Variants in PSMD8 observed in about 807,000 individuals in gnomAD.
PSMD8 encodes 26S proteasome non-ATPase regulatory subunit 8.
In PSMD8, 30 loss-of-function variants were observed where a neutral mutation model predicts 40.0. The ratio of observed to expected loss-of-function variants is 0.75; its 90% CI spans 0.56 to 1.02. The LOEUF is 1.02. PSMD8 is among the 50% of genes least tolerant of loss of function. PSMD8 has a pLI of 0.00. For synonymous variants in PSMD8, 208 were observed against 192.5 expected (o/e 1.08, Z -0.67); for missense variants, 461 against 463.9 (o/e 0.99, Z 0.06).
chr19:38,380,723 T>TGTGTGTGCGCGCGTGCGCGC (rs1555743511), intron 4 of PSMD8, among the ~76,000 whole-genome samples, 176 bp from the exon 5 acceptor site: 3,026 of 143,948 alleles, frequency 0.021, 51 homozygotes, highest in South Asian at 0.035. Context: ...TGTGTGTGTG[T>TGTGTGTGCGCGCGTGCGCGC]GTGTGTGCGC....
chr19:38,376,114 T>C (rs1434982306), intron 1 of PSMD8, 46 bp from the exon 2 acceptor site: 1 of 1,510,912 alleles, frequency 6.6e-7, no homozygotes, highest in Non-Finnish European at 9.1e-7. Context: ...TCATCTGTAT[T>C]TGAATTCCCT....
intron 4 of PSMD8, among the ~76,000 whole-genome samples, chr19:38,379,796 T>C (rs1169407037): frequency 6.6e-6 from 1 of 152,006 alleles, no homozygotes; most frequent in Non-Finnish European, 1.5e-5. Flanking sequence ...AAAGGTGAAA[T>C]TGGAGAAAGA....
At chr19:38,377,372 G>A (rs1180934626) in intron 3 of PSMD8, among the ~76,000 whole-genome samples, 1 of 151,734 alleles carries the variant, frequency 6.6e-6, no homozygotes, top group East Asian at 1.9e-4. Flanking sequence ...TTAATTTTTT[G>A]TAGAGATGGG....
rs1970647823 is a variant in PSMD8 at position 38,382,332 on chromosome 19, A to C, written c.915+104A>C. ...CACTGGAACAAGACTGCCCAGGTTTAAGTTCAACTGTGTGACTCTAGGCAA... is the reference window on the plus strand; with the variant it reads ...CACTGGAACAAGACTGCCCAGGTTTCAGTTCAACTGTGTGACTCTAGGCAA... On this transcript the variant is annotated intron_variant, in intron 6 of 6. Transcript: ENST00000215071. The C allele has an allele frequency of 3.3e-6, 3 of 899,764 alleles. No individual in the cohort carries two copies. The African/African-American group carries it at 5.0e-5, about 15-fold the overall frequency. The allele number at this position is 899,764 out of a possible 1,614,324, so 55.7% of individuals were successfully genotyped here.
intron 3 of PSMD8, among the ~76,000 whole-genome samples, chr19:38,379,036 C>T (rs912809187): frequency 4.6e-5 from 7 of 152,216 alleles, no homozygotes; most frequent in Non-Finnish European, 1.0e-4. Flanking sequence ...AGTGAGGTCA[C>T]TCGCTCTTGT....
rs1970580840 is a variant in PSMD8 at position 38,374,655 on chromosome 19, T to C, written c.54T>C (p.Ala18=). 2.6e-6 allele frequency: 4 copies of C among 1,518,000 alleles called. No homozygotes were observed. Among genetic ancestry groups the C allele is most frequent in the Admixed American group, 2.3e-5 (1 of 42,704 alleles). The allele number at this position is 1,518,000 out of a possible 1,614,324, so 94.0% of individuals were successfully genotyped here. A position where few individuals can be genotyped will look rare whatever the true frequency, so the allele number is the denominator to read the frequency against. The change falls in exon 1 of 7, where the codon GCT becomes GCC. Residue 18 remains alanine, a synonymous_variant. Transcript: ENST00000215071. ...CGCCACCTCGAGAGCGACGGCGGGC[T>C]ACCCGGGGCGGGCTGAGGCAGGTTG... ...PRAPPRERRR[A]TRGGLRQVVA...
intron 1 of PSMD8, chr19:38,375,206 C>A (rs867837543): frequency 3.7e-5 from 22 of 597,386 alleles, no homozygotes; most frequent in Middle Eastern, 4.7e-4. Flanking sequence ...TTTGGGAGGC[C>A]GAGGCGGGGG....
chr19:38,378,183 G>C (rs1020387821), intron 3 of PSMD8, among the ~76,000 whole-genome samples: 1 of 152,048 alleles, frequency 6.6e-6, no homozygotes, highest in Non-Finnish European at 1.5e-5. Context: ...CCAACATGGC[G>C]AAATCCTGTC....
chr19:38,383,133 G>A, intron 6 of PSMD8, 120 bp from the exon 7 acceptor site: 2 of 1,336,960 alleles, frequency 1.5e-6, no homozygotes, highest in Non-Finnish European at 2.1e-6. Context: ...AGGGTCGTTG[G>A]GCAGAGTACG....
At position 38,374,764 on chromosome 19, in the gene PSMD8, GGCGGTCTGCTTGCCGCATCAC is replaced by G. The variant is rs750172488; in HGVS notation, c.166_186del (p.Gly56_Arg62del). On this transcript the variant is annotated inframe_deletion, in exon 1 of 7. Transcript: ENST00000215071. ...TTGTAGGCGGCGCTGCCGTAAATCA[GGCGGTCTGCTTGCCGCATCAC>G]GCAAGATGGCGGCCGCGGCGGTGAA... The G allele has an allele frequency of 3.2e-6, 5 of 1,564,690 alleles. No individual in the cohort carries two copies. The South Asian group carries it at 5.8e-5, about 18-fold the overall frequency.
chr19:38,382,067 C>G, intron 5 of PSMD8, 50 bp from the exon 6 acceptor site: 1 of 1,380,950 alleles, frequency 7.2e-7, no homozygotes, highest in South Asian at 1.2e-5. Context: ...GGGACAGGTC[C>G]TGGGAGGTTG....
At chr19:38,375,105 G>A (rs1970587297) in intron 1 of PSMD8, 144 bp downstream of exon 1, 2 of 1,357,280 alleles carry the variant, frequency 1.5e-6, no homozygotes, top group Admixed American at 2.6e-5. Context: ...TGGGGTGAAA[G>A]ATTTGGAACA....
chr19:38,381,459 A>T (rs558057505), intron 5 of PSMD8: 139 of 163,802 alleles, frequency 8.5e-4, no homozygotes, highest in Non-Finnish European at 1.7e-3. Flanking sequence ...GTGACATACA[A>T]ATCCCTTGAG....
chr19:38,383,180 G>C, intron 6 of PSMD8, 73 bp from the exon 7 acceptor site: 1 of 1,590,732 alleles, frequency 6.3e-7, no homozygotes, highest in Non-Finnish European at 8.6e-7. Context: ...ACGTGGGCAA[G>C]TGCTGGCCCC....
chr19:38,383,512 G>A lies in PSMD8; in HGVS notation c.*122G>A, dbSNP rs368351923. On this transcript the variant is annotated 3_prime_UTR_variant, in exon 7 of 7. Coordinates refer to ENST00000215071, the MANE Select transcript of PSMD8 (RefSeq NM_002812.5). ...AGGCCCTTGTCTCCCCAGTTGGGACGGCAGAGAGACAAGTTCTTATATCTG... is the reference window on the plus strand; with the variant it reads ...AGGCCCTTGTCTCCCCAGTTGGGACAGCAGAGAGACAAGTTCTTATATCTG... 1.7e-5 allele frequency: 23 copies of A among 1,336,042 alleles called. No homozygotes were observed. Among genetic ancestry groups the A allele is most frequent in the Middle Eastern group, 1.9e-4 (1 of 5,350 alleles). The allele number at this position is 1,336,042 out of a possible 1,614,324, so 82.8% of individuals were successfully genotyped here. A position where few individuals can be genotyped will look rare whatever the true frequency, so the allele number is the denominator to read the frequency against.
chr19:38,376,560 C>T lies in PSMD8; in HGVS notation c.536+106C>T. On this transcript the variant is annotated intron_variant, in intron 3 of 6. Transcript: ENST00000215071. ...CTCTTCCTTCATCTGGGAACTCCTC[C>T]TGGCTTAGTTCTCTCCTCAGTGGTG... 5 of 1,023,416 alleles carry T rather than the reference C, an allele frequency of 4.9e-6. No homozygotes were observed. The South Asian group carries it at 5.7e-5, about 12-fold the overall frequency. 63.4% of individuals were successfully genotyped at this position (1,023,416 alleles called of 1,614,324 possible).
At position 38,375,370 on chromosome 19, in the gene PSMD8, G is replaced by A. The variant is rs147686930; in HGVS notation, c.360+409G>A. ...AGACTTATGGCAGAACTGAGTGAGG[G>A]GTTAGATTTTTGGTGCGTGGAGGCT... On this transcript the variant is annotated intron_variant, in intron 1 of 6. Coordinates refer to ENST00000215071, the MANE Select transcript of PSMD8 (RefSeq NM_002812.5). The A allele has an allele frequency of 2.1e-3, 441 of 207,854 alleles. 4 individuals are homozygous for A. Among genetic ancestry groups the A allele is most frequent in the African/African-American group, 0.01 (426 of 41,998 alleles). 12.9% of individuals were successfully genotyped at this position (207,854 alleles called of 1,614,324 possible).
At chr19:38,378,438 G>A (rs1970614253) in intron 3 of PSMD8, among the ~76,000 whole-genome samples, 1 of 151,138 alleles carries the variant, frequency 6.6e-6, no homozygotes, top group Non-Finnish European at 1.5e-5. Context: ...AACCGAGGAG[G>A]CAGAGCCTGC....
Position 38,383,769 on chromosome 19 carries a change from A to C in PSMD8, c.*379A>C. On this transcript the variant is annotated 3_prime_UTR_variant, in exon 7 of 7. Transcript: ENST00000215071. ...CAGATTTTTTCAACAAAGGGGGTGA[A>C]GTGTCCTACTAAAAAGAATAAATGT... is the stretch of plus-strand genomic sequence containing the variant. 4.2e-6 allele frequency: 1 copy of C among 237,278 alleles called. No homozygotes were observed. Among genetic ancestry groups the C allele is most frequent in the South Asian group, 8.7e-5 (1 of 11,560 alleles). The allele number at this position is 237,278 out of a possible 1,614,324, so 14.7% of individuals were successfully genotyped here.
Sources: allele counts gnomAD v4.1 joint callset (sites outside exome capture counted in the v4.1 genomes callset), GRCh38; gene constraint gnomAD v4.1.1; transcripts MANE v1.5; gene names NCBI Gene and HGNC (gene_info 2026-07-23, HGNC 2026-07-21).